Variants in PRDM16 observed in about 807,000 individuals in gnomAD.
PRDM16 encodes histone-lysine N-methyltransferase PRDM16.
PRDM16 carries 23 observed loss-of-function variants against 110.6 expected under a neutral mutation model. That is an observed-to-expected ratio of 0.21 (90% CI 0.15 to 0.29). The LOEUF (loss-of-function observed/expected upper bound fraction) is 0.29. Among genes scored for constraint, PRDM16 ranks in the 10% least tolerant of loss-of-function variants. The probability of loss-of-function intolerance (pLI) is 1.00; values close to 1 mark genes in which losing one functional copy is unlikely to be tolerated. For synonymous variants in PRDM16, 799 were observed against 781.8 expected (o/e 1.02, Z -0.37); for missense variants, 1,615 against 1,794.3 (o/e 0.90, Z 1.81).
intron 3 of PRDM16, among the ~76,000 whole-genome samples, chr1:3,284,738 A>T (rs1347330424): frequency 1.3e-5 from 2 of 152,186 alleles, no homozygotes; most frequent in African/African-American, 4.8e-5. Flanking sequence ...TTGCTTCTAG[A>T]AACGGCCATG....
At chr1:3,135,921 G>A (rs1469351913) in intron 1 of PRDM16, among the ~76,000 whole-genome samples, 2 of 151,806 alleles carry the variant, frequency 1.3e-5, no homozygotes. Context: ...TGCAGAGCGG[G>A]GCAGGGGCCT....
chr1:3,082,423 C>T (rs1311251109), intron 1 of PRDM16, among the ~76,000 whole-genome samples: 4 of 152,154 alleles, frequency 2.6e-5, no homozygotes, highest in African/African-American at 7.2e-5. Flanking sequence ...AGTGGCCACA[C>T]GTAGGAAACC....
At chr1:3,325,188 ATC>A (rs1374193718) in intron 3 of PRDM16, among the ~76,000 whole-genome samples, 1 of 152,184 alleles carries the variant, frequency 6.6e-6, no homozygotes, top group Non-Finnish European at 1.5e-5. Context: ...CCCCAAGGAA[ATC>A]TCTCATGCCT....
At chr1:3,297,142 T>C (rs1222170644) in intron 3 of PRDM16, among the ~76,000 whole-genome samples, 1 of 152,154 alleles carries the variant, frequency 6.6e-6, no homozygotes, top group Non-Finnish European at 1.5e-5. Context: ...GGTCAGCCCT[T>C]GTCCTCTGTC....
At chr1:3,090,115 C>T (rs1642242391) in intron 1 of PRDM16, among the ~76,000 whole-genome samples, 1 of 152,232 alleles carries the variant, frequency 6.6e-6, no homozygotes, top group Admixed American at 6.5e-5. Flanking sequence ...CAGGATGGCC[C>T]TGTGTGCTCA....
chr1:3,255,741 C>T lies in PRDM16; in HGVS notation c.438+11604C>T, dbSNP rs796521496. On this transcript the variant is annotated intron_variant, in intron 3 of 16. Transcript: ENST00000270722. This position sits in a 1 kb window ranked among gnomAD's most constrained non-coding sequence, Gnocchi z 4.7. ...GCTATCTGGGAGTTGTGAAATATTC[C>T]TGGTGGCAGCAGAAGAAGACAGCAG... Among the ~76,000 whole-genome samples, 47 of 152,296 alleles carry T rather than the reference C, an allele frequency of 3.1e-4. No individual in the cohort carries two copies. Among genetic ancestry groups the T allele is most frequent in the African/African-American group, 1.1e-3 (46 of 41,574 alleles).
chr1:3,239,533 C>T (rs972649672), intron 2 of PRDM16, among the ~76,000 whole-genome samples: 20 of 151,932 alleles, frequency 1.3e-4, no homozygotes, highest in Non-Finnish European at 2.5e-4. Flanking sequence ...CCTGACCCCC[C>T]GACTCCACCC....
intron 2 of PRDM16, among the ~76,000 whole-genome samples, chr1:3,203,455 C>T (rs963482285): frequency 9.2e-5 from 14 of 152,242 alleles, no homozygotes; most frequent in African/African-American, 2.9e-4. Flanking sequence ...GGGGCGCTGC[C>T]GCAAGGTGCC....
In PRDM16 at chr1:3,299,894, A is replaced by G. The variant is rs1210393269; in HGVS notation, c.438+55757A>G. On this transcript the variant is annotated intron_variant, in intron 3 of 16. Coordinates refer to ENST00000270722, the MANE Select transcript of PRDM16 (RefSeq NM_022114.4). The stretch of plus-strand genomic sequence containing the variant: ...CGTGGTGACTCTGCCCTGGTTGAAG[A>G]TGCCGTGCTGTGGCTGTGATGTTTC... Among the ~76,000 whole-genome samples the G allele has an allele frequency of 5.2e-5, 4 of 76,526 alleles. 1 individual carries two copies. The Admixed American group carries it at 6.9e-4, about 13-fold the overall frequency. 50.2% of individuals were successfully genotyped at this position (76,526 alleles called of 152,430 possible).
rs962579323 is a variant in PRDM16, at chr1:3,339,632, G to A, written c.439-45520G>A. Among the ~76,000 whole-genome samples the A allele has an allele frequency of 4.6e-5, 7 of 152,256 alleles. No individual in the cohort carries two copies. The highest frequency in any genetic ancestry group is 8.8e-5 in the Non-Finnish European group (6 of 68,008). On this transcript the variant is annotated intron_variant, in intron 3 of 16. Coordinates refer to ENST00000270722, the MANE Select transcript of PRDM16 (RefSeq NM_022114.4). The surrounding 1 kb of genome is among the most constrained non-coding windows in gnomAD (Gnocchi z 5.0). ...CTCGCTCACACCTCCCACCTTGCTC[G>A]TGAAGGTGACAGTCCTACTGCGGAC... is the stretch of plus-strand genomic sequence containing the variant.
chr1:3,181,678 G>A lies in PRDM16; in HGVS notation c.38-4447G>A, dbSNP rs536529462. The stretch of plus-strand genomic sequence containing the variant: ...CACGGTCTTACACAGTCTTACACGC[G>A]CAGTCTTACACACGGTCTTACACAC... On this transcript the variant is annotated intron_variant, in intron 1 of 16. Transcript: ENST00000270722. 3.3e-3 allele frequency among the ~76,000 whole-genome samples: 375 copies of A among 113,966 alleles called. 6 individuals are homozygous for A. The highest frequency in any genetic ancestry group is 0.013 in the African/African-American group (349 of 27,028). The allele number at this position is 113,966 out of a possible 152,430, so 74.8% of individuals were successfully genotyped here.
At chr1:3,170,688 CG>C (rs991856614) in intron 1 of PRDM16, among the ~76,000 whole-genome samples, 4 of 152,138 alleles carry the variant, frequency 2.6e-5, no homozygotes, top group African/African-American at 9.7e-5. Flanking sequence ...CCAGAGGAGG[CG>C]GGGCCCGGGG....
rs571483726 is a variant in PRDM16, at chr1:3,108,697, A to G, written c.37+39401A>G. On this transcript the variant is annotated intron_variant, in intron 1 of 16. Transcript: ENST00000270722. ...AGCTGCTCCAGGTCAAAGCACTGTC[A>G]AGAAGGCCGAGTGGCCCTGAGATGG... is the stretch of plus-strand genomic sequence containing the variant. 3.3e-5 allele frequency among the ~76,000 whole-genome samples: 5 copies of G among 152,302 alleles called. No homozygotes were observed. The East Asian group carries it at 9.7e-4, about 29-fold the overall frequency.
At chr1:3,295,490 G>C (rs964452110) in intron 3 of PRDM16, among the ~76,000 whole-genome samples, 2 of 152,134 alleles carry the variant, frequency 1.3e-5, no homozygotes, top group African/African-American at 4.8e-5. Flanking sequence ...AGCGTGTGGG[G>C]GCTGGGAAGA....
intron 9 of PRDM16, 105 bp from the exon 10 acceptor site, chr1:3,414,455 A>C (rs1394409263): frequency 6.3e-6 from 5 of 788,730 alleles, no homozygotes; most frequent in Non-Finnish European, 1.1e-5. Context: ...TGGCCTTGTG[A>C]CTGGCCAGGT....
intron 2 of PRDM16, among the ~76,000 whole-genome samples, chr1:3,232,196 C>T (rs1041941280): frequency 2.0e-5 from 3 of 152,202 alleles, no homozygotes; most frequent in African/African-American, 7.2e-5. Context: ...CCCGCCGATC[C>T]ATCTCCCTCA....
At chr1:3,423,666 G>A (rs948595647) in intron 12 of PRDM16, among the ~76,000 whole-genome samples, 7 of 152,176 alleles carry the variant, frequency 4.6e-5, no homozygotes, top group African/African-American at 1.7e-4. Flanking sequence ...GTCCTCTGTG[G>A]GAACGAAGGC....
At position 3,404,855 on chromosome 1, in the gene PRDM16, G is replaced by C; in HGVS notation, c.1001G>C (p.Gly334Ala). Residue 334 changes from glycine (G) to alanine (A), a missense_variant, in exon 7 of 17, where the codon GGC becomes GCC. This residue lies in a region of PRDM16 where 416 missense variants were observed against 467.1 expected (regional missense o/e 0.89). Coordinates refer to ENST00000270722, the MANE Select transcript of PRDM16 (RefSeq NM_022114.4). ...LIRHQMSHDS[G>A]KRFECENCVK... is the part of the protein sequence containing the mutation. ...CGCCACCAGATGTCCCACGACAGCG[G>C]CAAACGCTTCGAATGTGAAAACTGC... 6.2e-7 allele frequency: 1 copy of C among 1,613,370 alleles called. No homozygotes were observed. Among genetic ancestry groups the C allele is most frequent in the Non-Finnish European group, 8.5e-7 (1 of 1,179,962 alleles).
At chr1:3,381,253 C>A (rs1234495519) in intron 3 of PRDM16, among the ~76,000 whole-genome samples, 2 of 152,208 alleles carry the variant, frequency 1.3e-5, no homozygotes, top group African/African-American at 2.4e-5. Context: ...CACACACAAG[C>A]ACACACCCAG....
Sources: gnomAD v4.1 joint callset for allele counts (sites outside exome capture counted in the v4.1 genomes callset) on GRCh38, gnomAD v4.1.1 for gene constraint, gnomAD v4.1.1 regional missense constraint, Gnocchi (gnomAD v3.1) non-coding constraint, MANE v1.5 for transcripts, NCBI Gene and HGNC (gene_info 2026-07-23, HGNC 2026-07-21) for gene names.